Variants in FBXW11 observed in about 807,000 individuals in gnomAD.
FBXW11 encodes F-box and WD repeat domain containing 11, also known as F-box/WD repeat-containing protein 11.
FBXW11 carries 19 observed loss-of-function variants against 77.6 expected under a neutral mutation model. The observed-to-expected ratio is 0.24, with a 90% CI of 0.17 to 0.36. The LOEUF (loss-of-function observed/expected upper bound fraction) is 0.36. Among genes scored for constraint, FBXW11 ranks in the 10% least tolerant of loss-of-function variants. The pLI, the probability that FBXW11 is intolerant of heterozygous loss-of-function variation, is 1.00. For synonymous variants in FBXW11, 235 were observed against 249.4 expected, an observed-to-expected ratio of 0.94 and a Z score of 0.54; for missense variants, 334 against 704.2, an observed-to-expected ratio of 0.47 and a Z score of 5.95.
At chr5:171,929,932 A>G (rs1762084549) in intron 2 of FBXW11, among the ~76,000 whole-genome samples, 1 of 152,198 alleles carries the variant, frequency 6.6e-6, no homozygotes, top group African/African-American at 2.4e-5. Context: ...AGACTGACAA[A>G]AAAAATGAAG....
intron 2 of FBXW11, among the ~76,000 whole-genome samples, chr5:171,946,804 AC>A: frequency 4.5e-5 from 2 of 44,406 alleles, no homozygotes; most frequent in African/African-American, 9.0e-5. Context: ...TGTGTACTTT[AC>A]TTTTTTTTTT....
chr5:171,968,734 CCT>C (rs1388601958), intron 1 of FBXW11, among the ~76,000 whole-genome samples: 1 of 152,092 alleles, frequency 6.6e-6, no homozygotes, highest in African/African-American at 2.4e-5. Context: ...TACTAGTGCC[CCT>C]GTCCCCACCC....
intron 1 of FBXW11, 135 bp downstream of exon 1, chr5:172,006,323 G>A (rs949182931): frequency 1.7e-5 from 12 of 710,052 alleles, no homozygotes; most frequent in Middle Eastern, 2.8e-4. Context: ...CGAGGCCAGG[G>A]AAGGCTGGGG....
chr5:171,951,965 G>A (rs1208692505), intron 2 of FBXW11, among the ~76,000 whole-genome samples: 1 of 152,046 alleles, frequency 6.6e-6, no homozygotes. Context: ...TCTTATTTTT[G>A]TGTGTTTAGC....
At chr5:171,942,677 C>T (rs888807172) in intron 2 of FBXW11, among the ~76,000 whole-genome samples, 10 of 152,096 alleles carry the variant, frequency 6.6e-5, no homozygotes, top group Non-Finnish European at 1.0e-4. Context: ...GTAGCACACA[C>T]CTGTAGTCCA....
intron 1 of FBXW11, among the ~76,000 whole-genome samples, chr5:171,982,136 C>A (rs1284100581): frequency 1.3e-5 from 2 of 152,052 alleles, no homozygotes; most frequent in African/African-American, 4.8e-5. Context: ...AAACAGTACA[C>A]TTAAAATGAG....
At chr5:171,947,401 A>C (rs1378883132) in intron 2 of FBXW11, among the ~76,000 whole-genome samples, 3 of 152,196 alleles carry the variant, frequency 2.0e-5, no homozygotes, top group African/African-American at 7.2e-5. Flanking sequence ...AGTAGATTAA[A>C]AGGCTTAAAG....
At chr5:171,864,439 C>G (rs567724867) in intron 13 of FBXW11, among the ~76,000 whole-genome samples, 1 of 152,186 alleles carries the variant, frequency 6.6e-6, no homozygotes, top group South Asian at 2.1e-4. Flanking sequence ...TCTCTCAGTA[C>G]TGCTCTGAAA....
rs1480204961 is a variant in FBXW11, at chr5:171,903,037, C to T, written c.437-2937G>A. On this transcript the variant is annotated intron_variant, in intron 4 of 13. Coordinates refer to ENST00000517395, the MANE Select transcript of FBXW11 (RefSeq NM_001378974.1). ...AAATAGTTAATTATTTTGTTTTCAA[C>T]TCTTTCAATTTACTTCAACATTTTG... Among the ~76,000 whole-genome samples the T allele has an allele frequency of 2.0e-5, 3 of 152,202 alleles. No individual in the cohort carries two copies. The East Asian group carries it at 5.8e-4, about 29-fold the overall frequency.
rs1251887432 is a variant in FBXW11, at chr5:171,904,626, C to T, written c.437-4526G>A. On this transcript the variant is annotated intron_variant, in intron 4 of 13. Transcript: ENST00000517395. This position sits in a 1 kb window ranked among gnomAD's most constrained non-coding sequence, Gnocchi z 4.0. ...CTCACTCTGTCGCCAGTATGGAGTGCAGTGGTGGGATCTCAGCTCACTGCA... is the reference window on the plus strand; with the variant it reads ...CTCACTCTGTCGCCAGTATGGAGTGTAGTGGTGGGATCTCAGCTCACTGCA... Among the ~76,000 whole-genome samples, 1 of 152,142 alleles carries T rather than the reference C, an allele frequency of 6.6e-6. No individual in the cohort carries two copies.
chr5:172,004,552 T>C (rs1459010452), intron 1 of FBXW11, among the ~76,000 whole-genome samples: 3 of 152,338 alleles, frequency 2.0e-5, no homozygotes, highest in South Asian at 4.1e-4. Flanking sequence ...TACAACGTAT[T>C]TCTTATAATT....
chr5:171,967,883 T>TATATATAC lies in FBXW11; in HGVS notation c.46-10186_46-10185insGTATATAT, dbSNP rs1244744249. ...ATATATATATATATATATATATATA[T>TATATATAC]ACACACACACACACACACACACACA... On this transcript the variant is annotated intron_variant, in intron 1 of 13. Coordinates refer to ENST00000517395, the MANE Select transcript of FBXW11 (RefSeq NM_001378974.1). Among the ~76,000 whole-genome samples, 131 of 74,960 alleles carry TATATATAC rather than the reference T, an allele frequency of 1.7e-3. 1 individual carries two copies. The highest frequency in any genetic ancestry group is 7.2e-3 in the African/African-American group (122 of 16,866). 49.2% of individuals were successfully genotyped at this position (74,960 alleles called of 152,430 possible). A position where few individuals can be genotyped will look rare whatever the true frequency, so the allele number is the denominator to read the frequency against.
chr5:171,914,250 C>T lies in FBXW11; in HGVS notation c.210+93G>A, dbSNP rs1761079661. Reference sequence around the variant, plus strand: ...AAACTGCACAAAAGAAAACAAAATGCTTGGCTCTTGATTCCACTGAGGACA... The same window carrying T: ...AAACTGCACAAAAGAAAACAAAATGTTTGGCTCTTGATTCCACTGAGGACA... On this transcript the variant is annotated intron_variant, in intron 3 of 13. Coordinates refer to ENST00000517395, the MANE Select transcript of FBXW11 (RefSeq NM_001378974.1). 4 of 1,060,402 alleles carry T rather than the reference C, an allele frequency of 3.8e-6. No individual in the cohort carries two copies. The East Asian group carries it at 1.1e-4, about 30-fold the overall frequency. The allele number at this position is 1,060,402 out of a possible 1,614,324, so 65.7% of individuals were successfully genotyped here.
intron 1 of FBXW11, chr5:172,003,443 A>C (rs977205440): frequency 6.6e-6 from 1 of 152,254 alleles, no homozygotes; most frequent in Non-Finnish European, 1.5e-5. Flanking sequence ...AAAATGAATT[A>C]CTAGTTTTCT....
chr5:171,893,615 C>T (rs1759538059), intron 6 of FBXW11, among the ~76,000 whole-genome samples: 1 of 152,032 alleles, frequency 6.6e-6, no homozygotes, highest in South Asian at 2.1e-4. Flanking sequence ...GCCATCTCAG[C>T]ATGCTAAGCA....
intron 1 of FBXW11, among the ~76,000 whole-genome samples, chr5:171,964,257 T>C (rs1421507015): frequency 6.6e-6 from 1 of 152,244 alleles, no homozygotes; most frequent in African/African-American, 2.4e-5. Context: ...CACCAGGCCC[T>C]ACTGATAGAA....
intron 10 of FBXW11, 93 bp from the exon 11 acceptor site, chr5:171,870,951 T>G: frequency 1.2e-6 from 1 of 804,246 alleles, no homozygotes; most frequent in East Asian, 2.5e-5. Context: ...CAGATACAAT[T>G]TTTCACTATC....
At chr5:171,997,212 A>G (rs1401343558) in intron 1 of FBXW11, among the ~76,000 whole-genome samples, 48 of 152,264 alleles carry the variant, frequency 3.2e-4, no homozygotes, top group Non-Finnish European at 1.5e-5. Flanking sequence ...TGCCTGCAGC[A>G]GCATTCCTCA....
At chr5:171,913,838 C>CACACACAT (rs1761054108) in intron 3 of FBXW11, among the ~76,000 whole-genome samples, 1 of 63,822 alleles carries the variant, frequency 1.6e-5, no homozygotes, top group Non-Finnish European at 3.0e-5. Flanking sequence ...CACACACACA[C>CACACACAT]ACACACACAC....
Sources: allele counts gnomAD v4.1 joint callset (sites outside exome capture counted in the v4.1 genomes callset), GRCh38; gene constraint gnomAD v4.1.1; non-coding constraint Gnocchi (gnomAD v3.1); transcripts MANE v1.5; gene names NCBI Gene and HGNC (gene_info 2026-07-23, HGNC 2026-07-21).